The following METAP2 variants were observed in gnomAD, a reference collection of about 807,000 sequenced individuals.
The protein encoded by METAP2 is methionyl aminopeptidase 2.
Under a neutral mutation model 59.4 loss-of-function variants are expected in METAP2, and 25 were observed. The ratio of observed to expected loss-of-function variants is 0.42; its 90% CI spans 0.31 to 0.59. The LOEUF (loss-of-function observed/expected upper bound fraction) is 0.59, where lower values mean the gene tolerates loss of function less well. Among genes scored for constraint, METAP2 ranks in the 20% least tolerant of loss-of-function variants. The pLI is 0.16. For synonymous variants in METAP2, 214 were observed against 194.1 expected (o/e 1.10, Z -0.85); for missense variants, 366 against 581.2 (o/e 0.63, Z 3.81).
chr12:95,495,248 T>A, intron 6 of METAP2, 110 bp downstream of exon 6: 1 of 909,078 alleles, frequency 1.1e-6, no homozygotes, highest in Non-Finnish European at 1.6e-6. Context: ...TCTTGCTTCC[T>A]CATTTCATTA....
chr12:95,484,810 T>C (rs2076183978), intron 3 of METAP2: 2 of 451,556 alleles, frequency 4.4e-6, no homozygotes, highest in Non-Finnish European at 8.9e-6. Context: ...ATAATTTTTT[T>C]TTAATGTTGG....
intron 7 of METAP2, among the ~76,000 whole-genome samples, chr12:95,502,540 T>TTG (rs371759320): frequency 1.1e-4 from 17 of 151,938 alleles, no homozygotes; most frequent in Admixed American, 7.2e-4. Context: ...GATTATCATT[T>TTG]TGTGTGTGTG....
intron 4 of METAP2, among the ~76,000 whole-genome samples, chr12:95,492,496 G>A (rs1001461848): frequency 1.3e-5 from 2 of 151,582 alleles, no homozygotes; most frequent in African/African-American, 2.4e-5. Context: ...ATCTGAACTC[G>A]AGACTTTGAG....
chr12:95,504,498 G>A (rs1375494773), intron 8 of METAP2, among the ~76,000 whole-genome samples: 1 of 152,072 alleles, frequency 6.6e-6, no homozygotes, highest in Non-Finnish European at 1.5e-5. Flanking sequence ...GTTGTTTTTT[G>A]TTTTGTTTGT....
chr12:95,510,414 T>G (rs2076393915), intron 8 of METAP2, among the ~76,000 whole-genome samples: 1 of 152,212 alleles, frequency 6.6e-6, no homozygotes, highest in South Asian at 2.1e-4. Flanking sequence ...GTCTTCTTGC[T>G]GCATCATCCT....
chr12:95,507,266 T>G (rs890313138), intron 8 of METAP2, among the ~76,000 whole-genome samples: 1 of 152,240 alleles, frequency 6.6e-6, no homozygotes, highest in Non-Finnish European at 1.5e-5. Context: ...GCCTGGAATT[T>G]ATTAAGTATT....
At chr12:95,487,014 G>T (rs1388581629) in intron 4 of METAP2, among the ~76,000 whole-genome samples, 1 of 152,154 alleles carries the variant, frequency 6.6e-6, no homozygotes, top group Non-Finnish European at 1.5e-5. Flanking sequence ...TTTGTGACTT[G>T]GGCAAGTAAT....
At chr12:95,485,734 G>T (rs1009493676) in intron 3 of METAP2, 145 bp from the exon 4 acceptor site, 1 of 566,102 alleles carries the variant, frequency 1.8e-6, no homozygotes, top group African/African-American at 2.0e-5. Flanking sequence ...CCAGCATGAT[G>T]AAGTGTCTTC....
chr12:95,499,629 A>G (rs2076300958), intron 7 of METAP2, among the ~76,000 whole-genome samples: 1 of 151,882 alleles, frequency 6.6e-6, no homozygotes, highest in African/African-American at 2.4e-5. Flanking sequence ...TTGAATGTGT[A>G]GATGGCTTCA....
chr12:95,485,696 A>T, intron 3 of METAP2, 183 bp from the exon 4 acceptor site: 1 of 485,932 alleles, frequency 2.1e-6, no homozygotes, highest in African/African-American at 2.0e-5. Context: ...TCTTTTTCCC[A>T]AGCAGCAATA....
chr12:95,498,733 G>C (rs1194275834), intron 7 of METAP2, among the ~76,000 whole-genome samples: 1 of 152,192 alleles, frequency 6.6e-6, no homozygotes, highest in East Asian at 1.9e-4. Context: ...GCTCATCTGG[G>C]TCAGGCACAG....
intron 2 of METAP2, chr12:95,482,255 G>A (rs1261785427): frequency 1.7e-5 from 7 of 423,758 alleles, no homozygotes; most frequent in Non-Finnish European, 1.4e-5. Flanking sequence ...GGGACTATGG[G>A]CGCATACCAC....
In METAP2 at chr12:95,504,045, A is replaced by G. The variant is rs750493387; in HGVS notation, c.868-20A>G. On this transcript the variant is annotated intron_variant, in intron 7 of 10. Transcript: ENST00000323666. ...AATTTTGCACTTTGAATAATAAAGC[A>G]TATGTTACTCTTTTTTTAGTGTGCT... 7.6e-6 allele frequency: 12 copies of G among 1,584,300 alleles called. No individual in the cohort carries two copies. The highest frequency in any genetic ancestry group is 9.5e-6 in the Non-Finnish European group (11 of 1,162,260).
intron 3 of METAP2, chr12:95,483,608 CTA>C (rs1268918312): frequency 5.5e-6 from 1 of 180,400 alleles, no homozygotes; most frequent in Non-Finnish European, 1.1e-5. Context: ...TTTAGTGAAA[CTA>C]ATAATTATTT....
intron 2 of METAP2, among the ~76,000 whole-genome samples, chr12:95,477,442 C>T (rs73229390): frequency 0.046 from 6,987 of 152,200 alleles, 214 homozygotes; most frequent in South Asian, 0.11. Flanking sequence ...CTGAAAGAAT[C>T]GTATAGGAGT....
rs1208349284 is a variant in METAP2 at position 95,474,243 on chromosome 12, G to T, written c.64G>T (p.Asp22Tyr). The change falls in exon 1 of 11, where the codon GAC becomes TAC. Residue 22 changes from aspartate to tyrosine, a missense_variant. Physicochemically the swap from Asp to Tyr is radical, Grantham distance 160. Transcript: ENST00000323666. ...SHLNGDLDPD[D>Y]REEGAASTAE... ...CCTGAATGGCGACCTGGATCCAGAC[G>T]ACAGGGAAGAAGGAGCTGCCTCTAC... 1 of 1,614,248 alleles carries T rather than the reference G, an allele frequency of 6.2e-7. No homozygotes were observed. Among genetic ancestry groups the T allele is most frequent in the Non-Finnish European group, 8.5e-7 (1 of 1,180,044 alleles).
chr12:95,488,511 CAAAAAAAA>C lies in METAP2; in HGVS notation c.428+2551_428+2558del, dbSNP rs537119415. On this transcript the variant is annotated intron_variant, in intron 4 of 10. Coordinates refer to ENST00000323666, the MANE Select transcript of METAP2 (RefSeq NM_006838.4). ...GTGACAGAGCGAGACTTTGTCTCACCAAAAAAAAAAAAAAAAAAAAAAAAAAAATACTT... is the reference window on the plus strand; with the variant it reads ...GTGACAGAGCGAGACTTTGTCTCACCAAAAAAAAAAAAAAAAAAAATACTT... 3.0e-3 allele frequency among the ~76,000 whole-genome samples: 231 copies of C among 76,560 alleles called. 1 individual carries two copies. Among genetic ancestry groups the C allele is most frequent in the African/African-American group, 9.8e-3 (195 of 19,900 alleles). 50.2% of individuals were successfully genotyped at this position (76,560 alleles called of 152,430 possible).
At chr12:95,503,916 C>T in intron 7 of METAP2, 149 bp from the exon 8 acceptor site, 1 of 613,470 alleles carries the variant, frequency 1.6e-6, no homozygotes, top group Middle Eastern at 4.5e-4. Context: ...CACTATCCTC[C>T]CATAATCCTC....
In METAP2 at chr12:95,513,672, T is replaced by C. The variant is rs765184940; in HGVS notation, c.1205T>C (p.Leu402Ser). Residue 402 changes from leucine (L) to serine (S), a missense_variant, in exon 11 of 11, where the codon TTG becomes TCG. Physicochemically the swap from Leu to Ser is moderately radical, Grantham distance 145. Transcript: ENST00000323666. ...VPIRLPRTKH[L>S]LNVINENFGT... is the part of the protein sequence containing the mutation. Reference sequence around the variant, plus strand: ...CTTAGGCTTCCAAGAACAAAACACTTGTTAAATGTCATCAATGAAAACTTT... The same window carrying C: ...CTTAGGCTTCCAAGAACAAAACACTCGTTAAATGTCATCAATGAAAACTTT... 6.2e-7 allele frequency: 1 copy of C among 1,614,130 alleles called. No individual in the cohort carries two copies. Among genetic ancestry groups the C allele is most frequent in the Admixed American group, 1.7e-5 (1 of 60,022 alleles).
Sources: gnomAD v4.1 joint callset for allele counts (sites outside exome capture counted in the v4.1 genomes callset) on GRCh38, gnomAD v4.1.1 for gene constraint, MANE v1.5 for transcripts, NCBI Gene and HGNC (gene_info 2026-07-23, HGNC 2026-07-21) for gene names.